MYO9A: variants seen among roughly 807,000 people sequenced by gnomAD.
MYO9A encodes unconventional myosin-IXa.
Under a neutral mutation model 293.3 loss-of-function variants are expected in MYO9A, and 103 were observed. That is an observed-to-expected ratio of 0.35 (90% confidence interval 0.30 to 0.41). The LOEUF is 0.41. Ranked by LOEUF, MYO9A falls within the 10% of genes least tolerant of loss-of-function variation. The pLI, the probability that MYO9A is intolerant of heterozygous loss-of-function variation, is 1.00. For synonymous variants in MYO9A, 1,001 were observed against 1,035.7 expected (o/e 0.97, Z 0.64); for missense variants, 2,685 against 3,033.0 (o/e 0.89, Z 2.69).
Position 71,993,964 on chromosome 15 carries a change from A to AC in MYO9A, c.1587+504_1587+505insG, listed in dbSNP as rs1429880478. ...AGCAAGACACCGTCTCAAAAAAAAA[A>AC]AAAAAAACAGCAATCCCACTTTGAT... On this transcript the variant is annotated intron_variant, in intron 10 of 41. Transcript: ENST00000356056. Among the ~76,000 whole-genome samples, 30 of 151,952 alleles carry AC rather than the reference A, an allele frequency of 2.0e-4. No homozygotes were observed. In the South Asian group the frequency reaches 5.6e-3, roughly 28 times the overall value.
intron 1 of MYO9A, among the ~76,000 whole-genome samples, chr15:72,068,906 A>T (rs2079098916): frequency 6.6e-6 from 1 of 152,198 alleles, no homozygotes; most frequent in African/African-American, 2.4e-5. Context: ...TTCCATCCTC[A>T]TAACAACCCT....
At chr15:72,110,406 A>C (rs1163513475) in intron 1 of MYO9A, among the ~76,000 whole-genome samples, 2 of 146,350 alleles carry the variant, frequency 1.4e-5, no homozygotes, top group Non-Finnish European at 3.0e-5. Context: ...ACTGCACTCC[A>C]GCCTGGGAGA....
intron 1 of MYO9A, among the ~76,000 whole-genome samples, chr15:72,112,664 G>A (rs2080822437): frequency 6.6e-6 from 1 of 152,004 alleles, no homozygotes; most frequent in African/African-American, 2.4e-5. Flanking sequence ...TCTTTCTACA[G>A]GATCAAAATT....
In MYO9A at chr15:72,046,553, T is replaced by C; in HGVS notation, c.11A>G (p.Asn4Ser). 6.3e-7 allele frequency: 1 copy of C among 1,595,502 alleles called. No individual in the cohort carries two copies. Among genetic ancestry groups the C allele is most frequent in the South Asian group, 1.1e-5 (1 of 88,400 alleles). The part of the protein sequence containing the change: MNI[N>S]DGGRRRFEDN... ...TTCAAAGCGTCGTCTTCCTCCATCATTTATATTCATATTGGATCCTGTCCC... is the reference window on the plus strand; with the variant it reads ...TTCAAAGCGTCGTCTTCCTCCATCACTTATATTCATATTGGATCCTGTCCC... Residue 4 changes from asparagine to serine, a missense_variant, in exon 2 of 42, where the codon AAT becomes AGT. Around this residue, in one of 10 missense-constraint regions of MYO9A, gnomAD observed 67 missense variants for 63.2 expected, o/e 1.06. Coordinates refer to ENST00000356056, the MANE Select transcript of MYO9A (RefSeq NM_006901.4).
intron 1 of MYO9A, among the ~76,000 whole-genome samples, chr15:72,088,722 T>G (rs946063183): frequency 6.6e-6 from 1 of 152,244 alleles, no homozygotes; most frequent in Non-Finnish European, 1.5e-5. Flanking sequence ...TTCTGCTGAT[T>G]ATCTTATTGC....
chr15:71,940,973 G>T (rs919108792), intron 15 of MYO9A, among the ~76,000 whole-genome samples: 4 of 151,768 alleles, frequency 2.6e-5, no homozygotes, highest in Admixed American at 6.6e-5. Context: ...GGGGGAGGAG[G>T]AGTAAATTTC....
At chr15:71,887,612 A>T (rs769388458) in intron 27 of MYO9A, among the ~76,000 whole-genome samples, 11 of 152,148 alleles carry the variant, frequency 7.2e-5, no homozygotes, top group Non-Finnish European at 1.6e-4. Flanking sequence ...TCACTTCTCT[A>T]AAATTAATTG....
At chr15:72,053,919 T>C (rs951128071) in intron 1 of MYO9A, among the ~76,000 whole-genome samples, 1 of 152,092 alleles carries the variant, frequency 6.6e-6, no homozygotes, top group Admixed American at 6.6e-5. Context: ...GTAGATCAAA[T>C]AGAAAACAAA....
At chr15:71,966,916 CCT>C (rs1354223386) in intron 13 of MYO9A, among the ~76,000 whole-genome samples, 3 of 152,178 alleles carry the variant, frequency 2.0e-5, no homozygotes, top group East Asian at 3.9e-4. Flanking sequence ...ATAATAACCC[CCT>C]GTCTATTCTC....
intron 41 of MYO9A, among the ~76,000 whole-genome samples, chr15:71,827,533 CAAAAA>C (rs2054555119): frequency 6.6e-6 from 1 of 150,612 alleles, no homozygotes; most frequent in Non-Finnish European, 1.5e-5. Flanking sequence ...CAAAACAAAA[CAAAAA>C]ACAAAAAACT....
intron 8 of MYO9A, among the ~76,000 whole-genome samples, chr15:72,002,559 C>T (rs1377866135): frequency 6.6e-6 from 1 of 152,112 alleles, no homozygotes; most frequent in Non-Finnish European, 1.5e-5. Flanking sequence ...ATATAGAAAT[C>T]AGCATTGAAA....
At chr15:71,939,229 CA>C (rs1485436094) in intron 15 of MYO9A, among the ~76,000 whole-genome samples, 4 of 152,046 alleles carry the variant, frequency 2.6e-5, no homozygotes, top group African/African-American at 2.4e-5. Flanking sequence ...TTTTTAGGTT[CA>C]GGGGGTACAC....
At chr15:72,049,405 C>T (rs2078486686) in intron 1 of MYO9A, among the ~76,000 whole-genome samples, 1 of 152,122 alleles carries the variant, frequency 6.6e-6, no homozygotes, top group South Asian at 2.1e-4. Context: ...TTCCTGAATC[C>T]CTAAGTGTTT....
intron 1 of MYO9A, among the ~76,000 whole-genome samples, chr15:72,115,861 C>G (rs535415345): frequency 6.6e-6 from 1 of 151,984 alleles, no homozygotes; most frequent in African/African-American, 2.4e-5. Context: ...TAACATCAGA[C>G]ACATTTAAAA....
chr15:72,078,521 C>A (rs2079441326), intron 1 of MYO9A, among the ~76,000 whole-genome samples: 1 of 151,910 alleles, frequency 6.6e-6, no homozygotes, highest in Non-Finnish European at 1.5e-5. Context: ...ACCCAAAAAC[C>A]TGCAGACAGA....
At chr15:72,059,836 G>T (rs940279163) in intron 1 of MYO9A, among the ~76,000 whole-genome samples, 1 of 152,140 alleles carries the variant, frequency 6.6e-6, no homozygotes, top group Admixed American at 6.6e-5. Flanking sequence ...AAGACTCAGC[G>T]CTTATTTTTT....
chr15:72,018,153 C>A (rs1181011123), intron 6 of MYO9A, among the ~76,000 whole-genome samples: 1 of 151,724 alleles, frequency 6.6e-6, no homozygotes, highest in Admixed American at 6.6e-5. Context: ...CATCATACAT[C>A]CCCTTAAATC....
intron 2 of MYO9A, among the ~76,000 whole-genome samples, chr15:72,034,554 T>A (rs1485066336): frequency 6.6e-6 from 1 of 152,210 alleles, no homozygotes; most frequent in South Asian, 2.1e-4. Context: ...CAAAAAAGCT[T>A]GACATTGCTG....
chr15:71,870,513 C>T (rs979747759), intron 32 of MYO9A, among the ~76,000 whole-genome samples: 1 of 151,938 alleles, frequency 6.6e-6, no homozygotes, highest in African/African-American at 2.4e-5. Flanking sequence ...GGTACTGATA[C>T]AAGAATAAAC....
Sources: allele counts gnomAD v4.1 joint callset (sites outside exome capture counted in the v4.1 genomes callset), GRCh38; gene constraint gnomAD v4.1.1; regional missense constraint gnomAD v4.1.1; transcripts MANE v1.5; gene names NCBI Gene and HGNC (gene_info 2026-07-23, HGNC 2026-07-21).